The following PSD3 variants were observed in gnomAD, a reference collection of about 807,000 sequenced individuals.
The protein encoded by PSD3 is PH and SEC7 domain-containing protein 3.
In PSD3, 49 loss-of-function variants were observed where a neutral mutation model predicts 105.5. That is an observed-to-expected ratio of 0.46 (90% confidence interval 0.37 to 0.59). The LOEUF is 0.59. PSD3 is among the 20% of genes least tolerant of loss of function. The pLI, the probability that PSD3 is intolerant of heterozygous loss-of-function variation, is 0.00. For missense variants in PSD3, 1,561 were observed against 1,263.8 expected, an observed-to-expected ratio of 1.24 and a Z score of -3.57; for synonymous variants, 557 against 457.8, an observed-to-expected ratio of 1.22 and a Z score of -2.77.
intron 4 of PSD3, among the ~76,000 whole-genome samples, chr8:18,807,698 T>C (rs952327832): frequency 6.6e-6 from 1 of 152,146 alleles, no homozygotes; most frequent in Non-Finnish European, 1.5e-5. Context: ...CCTTGAACAG[T>C]TTCCCAATAC....
chr8:18,605,156 C>T lies in PSD3; in HGVS notation c.2411-4722G>A, dbSNP rs145360148. On this transcript the variant is annotated intron_variant, in intron 11 of 15. Coordinates refer to ENST00000327040, the MANE Select transcript of PSD3 (RefSeq NM_015310.4). The stretch of plus-strand genomic sequence containing the variant: ...CCACTGACAGCTTGCACCATATATG[C>T]CTGGAAAAACCGAAGGCAGTCAATG... 1.2e-3 allele frequency among the ~76,000 whole-genome samples: 182 copies of T among 152,262 alleles called. 1 individual carries two copies. The highest frequency in any genetic ancestry group is 3.4e-3 in the Middle Eastern group (1 of 294).
intron 9 of PSD3, among the ~76,000 whole-genome samples, chr8:18,667,740 T>G (rs1432305955): frequency 6.6e-6 from 1 of 152,126 alleles, no homozygotes; most frequent in Non-Finnish European, 1.5e-5. Context: ...GCGGTACTCG[T>G]CAGGGAGGCT....
In PSD3 at chr8:18,936,151, T is replaced by C. The variant is rs754261751; in HGVS notation, c.22-9A>G. On this transcript the variant is annotated splice_polypyrimidine_tract_variant and intron_variant, in intron 1 of 15. Transcript: ENST00000327040. ...CAAACAAATGTCTCTGCCTGCAAAA[T>C]AAGAACAAAACAAAGACACATTTAA... 3.8e-6 allele frequency: 6 copies of C among 1,587,468 alleles called. No homozygotes were observed. Among genetic ancestry groups the C allele is most frequent in the Non-Finnish European group, 5.2e-6 (6 of 1,158,690 alleles).
intron 8 of PSD3, among the ~76,000 whole-genome samples, chr8:18,795,627 G>A (rs17383361): frequency 0.12 from 18,971 of 152,114 alleles, 1,549 homozygotes; most frequent in South Asian, 0.27. Context: ...TCACTGCTAT[G>A]CAATTCTATA....
rs893153999 is a variant in PSD3 at position 18,531,428 on chromosome 8, A to G, written c.*4315T>C. 1.3e-5 allele frequency: 2 copies of G among 152,300 alleles called. No homozygotes were observed. The highest frequency in any genetic ancestry group is 4.8e-5 in the African/African-American group (2 of 41,414). 9.4% of individuals were successfully genotyped at this position (152,300 alleles called of 1,614,324 possible). On this transcript the variant is annotated 3_prime_UTR_variant, in exon 16 of 16. Transcript: ENST00000327040. ...GATTTCAGTCCTTCCTTTATGGATGAGAGATGGAAAAGGAATCTGAGAGAA... is the reference window on the plus strand; with the variant it reads ...GATTTCAGTCCTTCCTTTATGGATGGGAGATGGAAAAGGAATCTGAGAGAA...
intron 1 of PSD3, among the ~76,000 whole-genome samples, chr8:19,009,719 G>A (rs1038030573): frequency 1.3e-5 from 2 of 152,076 alleles, no homozygotes; most frequent in African/African-American, 4.8e-5. Flanking sequence ...ATGAAACCCC[G>A]TCTATACTAA....
At chr8:19,077,099 T>A (rs1343245033) in intron 1 of PSD3, among the ~76,000 whole-genome samples, 2 of 152,236 alleles carry the variant, frequency 1.3e-5, no homozygotes, top group Non-Finnish European at 2.9e-5. Context: ...AGATTGAGTC[T>A]ATGTTAACAA....
At chr8:18,562,891 TAAAGAA>T (rs200291771) in intron 14 of PSD3, among the ~76,000 whole-genome samples, 195 of 128,828 alleles carry the variant, frequency 1.5e-3, no homozygotes, top group African/African-American at 5.7e-3. Context: ...TCTGTCTAGA[TAAAGAA>T]AAAGAAAAAG....
At chr8:18,966,677 G>T (rs1036781042) in intron 1 of PSD3, among the ~76,000 whole-genome samples, 1 of 152,022 alleles carries the variant, frequency 6.6e-6, no homozygotes, top group East Asian at 1.9e-4. Flanking sequence ...TCAAACAGGG[G>T]ACTCCTCAGA....
intron 10 of PSD3, among the ~76,000 whole-genome samples, chr8:18,650,270 C>T (rs1808377184): frequency 6.6e-6 from 1 of 152,100 alleles, no homozygotes; most frequent in Admixed American, 6.5e-5. Flanking sequence ...CACCTCAACT[C>T]ACCTCATCCT....
chr8:18,884,989 A>G (rs1201413156), intron 2 of PSD3, among the ~76,000 whole-genome samples: 1 of 152,204 alleles, frequency 6.6e-6, no homozygotes, highest in Non-Finnish European at 1.5e-5. Context: ...TGTTACAGAG[A>G]AGAAACACTA....
At chr8:18,618,690 T>C (rs531550953) in intron 11 of PSD3, among the ~76,000 whole-genome samples, 2 of 151,674 alleles carry the variant, frequency 1.3e-5, no homozygotes, top group East Asian at 3.9e-4. Context: ...ATTTTTTTTT[T>C]CTAATGGGAT....
Position 18,575,314 on chromosome 8 carries a change from C to A in PSD3, c.2482-29G>T, listed in dbSNP as rs201618254. The A allele has an allele frequency of 3.1e-4, 463 of 1,502,862 alleles. No individual in the cohort carries two copies. In the African/African-American group the frequency reaches 4.6e-3, roughly 15 times the overall value. 93.1% of individuals were successfully genotyped at this position (1,502,862 alleles called of 1,614,324 possible). Reference sequence around the variant, plus strand: ...TAGATGGACACAAAGAAAATAAAGGCAAAAATCACGATCAGATTTCAACTT... The same window carrying A: ...TAGATGGACACAAAGAAAATAAAGGAAAAAATCACGATCAGATTTCAACTT... On this transcript the variant is annotated intron_variant, in intron 12 of 15. Transcript: ENST00000327040.
In PSD3 at chr8:18,870,440, A is replaced by G. The variant is rs73202142; in HGVS notation, c.1238+1186T>C. 5.5e-3 allele frequency among the ~76,000 whole-genome samples: 842 copies of G among 152,246 alleles called. 6 individuals carry two copies. Among genetic ancestry groups the G allele is most frequent in the Non-Finnish European group, 0.01 (701 of 68,022 alleles). ...AAATACCACATGATGTCAAGTTTCAATCATAAAGGCCATAAATCTCATAAG... is the reference window on the plus strand; with the variant it reads ...AAATACCACATGATGTCAAGTTTCAGTCATAAAGGCCATAAATCTCATAAG... On this transcript the variant is annotated intron_variant, in intron 3 of 15. Transcript: ENST00000327040.
chr8:19,062,589 G>T (rs908512389), intron 1 of PSD3, among the ~76,000 whole-genome samples: 1 of 151,994 alleles, frequency 6.6e-6, no homozygotes, highest in Non-Finnish European at 1.5e-5. Flanking sequence ...ATTTAAAAAA[G>T]AATCTTTAGA....
intron 1 of PSD3, among the ~76,000 whole-genome samples, chr8:18,937,430 A>T (rs913503638): frequency 3.3e-5 from 5 of 152,234 alleles, no homozygotes; most frequent in Non-Finnish European, 7.3e-5. Flanking sequence ...CAAAGAGGGA[A>T]ATGTTAGTAT....
intron 1 of PSD3, among the ~76,000 whole-genome samples, chr8:19,056,279 A>G (rs892488174): frequency 7.2e-5 from 11 of 152,246 alleles, no homozygotes; most frequent in African/African-American, 2.7e-4. Flanking sequence ...GCAGCTTTGC[A>G]AATAAAACTG....
chr8:18,930,347 G>A (rs992737762), intron 2 of PSD3, among the ~76,000 whole-genome samples: 7 of 152,016 alleles, frequency 4.6e-5, no homozygotes, highest in East Asian at 1.9e-4. Context: ...ATTTTGAAAC[G>A]CACACTGCAA....
chr8:18,546,280 A>G lies in PSD3; in HGVS notation c.2928+9929T>C, dbSNP rs556452264. ...CCAAAGTGCTGGGATTACAGGCGTGAGCCACCGTGCCCAGCCTTGAAGTAA... is the reference window on the plus strand; with the variant it reads ...CCAAAGTGCTGGGATTACAGGCGTGGGCCACCGTGCCCAGCCTTGAAGTAA... On this transcript the variant is annotated intron_variant, in intron 15 of 15. Transcript: ENST00000327040. Among the ~76,000 whole-genome samples the G allele has an allele frequency of 3.9e-5, 6 of 152,312 alleles. No homozygotes were observed. The South Asian group carries it at 1.2e-3, about 32-fold the overall frequency.
Sources: allele counts gnomAD v4.1 joint callset (sites outside exome capture counted in the v4.1 genomes callset), GRCh38; gene constraint gnomAD v4.1.1; transcripts MANE v1.5; gene names NCBI Gene and HGNC (gene_info 2026-07-23, HGNC 2026-07-21).